The following FGF12 variants were observed in gnomAD, a reference collection of about 807,000 sequenced individuals.
FGF12 encodes the protein fibroblast growth factor 12.
FGF12 carries 14 observed loss-of-function variants against 23.6 expected under a neutral mutation model. The ratio of observed to expected loss-of-function variants is 0.59; its 90% CI spans 0.39 to 0.93. The LOEUF (loss-of-function observed/expected upper bound fraction) is 0.93. Ranked by LOEUF, FGF12 falls within the 40% of genes least tolerant of loss-of-function variation. The probability of loss-of-function intolerance (pLI) is 0.00; values close to 1 mark genes in which losing one functional copy is unlikely to be tolerated. For missense variants in FGF12, 175 were observed against 217.8 expected, an observed-to-expected ratio of 0.80 and a Z score of 1.24; for synonymous variants, 62 against 77.3, an observed-to-expected ratio of 0.80 and a Z score of 1.04.
chr3:192,418,910 G>C (rs532969561), intron 2 of FGF12, among the ~76,000 whole-genome samples: 1 of 152,290 alleles, frequency 6.6e-6, no homozygotes, highest in African/African-American at 2.4e-5. Flanking sequence ...AGCAAGGCAA[G>C]AACAGACTAA....
At chr3:192,591,789 A>T (rs2108622886) in intron 2 of FGF12, among the ~76,000 whole-genome samples, 1 of 152,086 alleles carries the variant, frequency 6.6e-6, no homozygotes, top group South Asian at 2.1e-4. Flanking sequence ...TTTTCTGCAC[A>T]AGCCCTTCAC....
intron 2 of FGF12, among the ~76,000 whole-genome samples, chr3:192,522,192 C>A (rs1408294429): frequency 8.7e-6 from 1 of 115,100 alleles, no homozygotes; most frequent in Non-Finnish European, 1.8e-5. Flanking sequence ...AGCGAGACTC[C>A]GTCTCAAAAA....
chr3:192,218,718 A>G (rs1339458076), intron 4 of FGF12, among the ~76,000 whole-genome samples: 1 of 152,242 alleles, frequency 6.6e-6, no homozygotes, highest in African/African-American at 2.4e-5. Flanking sequence ...CTAATCCAAT[A>G]TGATTCACAA....
intron 4 of FGF12, among the ~76,000 whole-genome samples, chr3:192,241,402 T>C (rs535856497): frequency 1.4e-4 from 21 of 152,098 alleles, no homozygotes; most frequent in Non-Finnish European, 2.6e-4. Flanking sequence ...TATAAATGTA[T>C]TTAATATCTC....
At chr3:192,202,971 G>T (rs1717448054) in intron 4 of FGF12, among the ~76,000 whole-genome samples, 2 of 152,160 alleles carry the variant, frequency 1.3e-5, no homozygotes, top group Admixed American at 6.5e-5. Context: ...AATACAGCCT[G>T]CTAAACAGTG....
At chr3:192,301,302 G>C (rs1051659513) in intron 4 of FGF12, among the ~76,000 whole-genome samples, 1 of 152,196 alleles carries the variant, frequency 6.6e-6, no homozygotes, top group Non-Finnish European at 1.5e-5. Context: ...TCTTTATCTT[G>C]CAAGTAGTGT....
intron 2 of FGF12, among the ~76,000 whole-genome samples, chr3:192,366,175 G>A (rs896707820): frequency 6.6e-6 from 1 of 151,986 alleles, no homozygotes; most frequent in Non-Finnish European, 1.5e-5. Flanking sequence ...GAGCAAGAAG[G>A]GAGAAGAGAG....
intron 2 of FGF12, among the ~76,000 whole-genome samples, chr3:192,411,885 G>A (rs559968918): frequency 3.3e-5 from 5 of 152,210 alleles, no homozygotes; most frequent in South Asian, 2.1e-4. Flanking sequence ...CATCTACCTC[G>A]CAGAAGTGAA....
At chr3:192,365,522 G>C (rs1280324840) in intron 2 of FGF12, among the ~76,000 whole-genome samples, 1 of 152,004 alleles carries the variant, frequency 6.6e-6, no homozygotes, top group Non-Finnish European at 1.5e-5. Context: ...ATGGGAAATT[G>C]GATATAGGGT....
intron 2 of FGF12, among the ~76,000 whole-genome samples, chr3:192,705,813 T>C (rs1250689864): frequency 6.6e-6 from 1 of 152,190 alleles, no homozygotes; most frequent in East Asian, 1.9e-4. Context: ...ACACGAGGCA[T>C]CCCTGTATAA....
rs1376817105 is a variant in FGF12, at chr3:192,345,579, C to G, written c.125-10115G>C. 4.4e-5 allele frequency among the ~76,000 whole-genome samples: 4 copies of G among 90,256 alleles called. 2 individuals carry two copies. Among genetic ancestry groups the G allele is most frequent in the African/African-American group, 1.8e-4 (2 of 11,366 alleles). The allele number at this position is 90,256 out of a possible 152,430, so 59.2% of individuals were successfully genotyped here. On this transcript the variant is annotated intron_variant, in intron 3 of 5. Transcript: ENST00000445105. ...GCGGGCGCCTGTAGTCCCAGCTACTCGGGAGGCTGAGGCAGGGGAATGGCG... is the reference window on the plus strand; with the variant it reads ...GCGGGCGCCTGTAGTCCCAGCTACTGGGGAGGCTGAGGCAGGGGAATGGCG...
rs536381696 is a variant in FGF12, at chr3:192,200,471, C to T, written c.229-29815G>A. Reference sequence around the variant, plus strand: ...TTCTCCAGTTTAAACCAGAAAAACACTAGATCCAAGAGATAACATGTAATA... The same window carrying T: ...TTCTCCAGTTTAAACCAGAAAAACATTAGATCCAAGAGATAACATGTAATA... On this transcript the variant is annotated intron_variant, in intron 4 of 5. Coordinates refer to ENST00000445105, the MANE Select transcript of FGF12 (RefSeq NM_004113.6). Among the ~76,000 whole-genome samples, 7 of 152,226 alleles carry T rather than the reference C, an allele frequency of 4.6e-5. No individual in the cohort carries two copies. In the South Asian group the frequency reaches 1.5e-3, roughly 32 times the overall value.
intron 4 of FGF12, among the ~76,000 whole-genome samples, chr3:192,278,084 C>G (rs1238994149): frequency 6.6e-6 from 1 of 152,112 alleles, no homozygotes; most frequent in Admixed American, 6.5e-5. Flanking sequence ...AAAGGTTTTA[C>G]GCTGTTACCA....
At chr3:192,630,219 G>A (rs968911977) in intron 2 of FGF12, among the ~76,000 whole-genome samples, 3 of 152,000 alleles carry the variant, frequency 2.0e-5, no homozygotes, top group Non-Finnish European at 2.9e-5. Flanking sequence ...AGTTTCCTGG[G>A]GCCTCCCCAG....
At chr3:192,670,073 T>A (rs1166214066) in intron 2 of FGF12, among the ~76,000 whole-genome samples, 1 of 152,176 alleles carries the variant, frequency 6.6e-6, no homozygotes, top group African/African-American at 2.4e-5. Context: ...ATTCCTCCAT[T>A]TTCCAACTAT....
intron 2 of FGF12, among the ~76,000 whole-genome samples, chr3:192,719,709 T>A (rs1441836072): frequency 6.7e-6 from 1 of 149,546 alleles, no homozygotes; most frequent in Admixed American, 6.7e-5. Flanking sequence ...AATGATCATA[T>A]AATAAATCTT....
rs1308751718 is a variant in FGF12 at position 192,142,075 on chromosome 3, T to C, written c.*1934A>G. On this transcript the variant is annotated 3_prime_UTR_variant, in exon 6 of 6. Transcript: ENST00000445105. ...CAAGTCCATTTTTAGAAAATTTAAA[T>C]GTCTTTATTTGTTACTTTCCAAATA... 1 of 152,520 alleles carries C rather than the reference T, an allele frequency of 6.6e-6. No homozygotes were observed. Among genetic ancestry groups the C allele is most frequent in the Non-Finnish European group, 1.5e-5 (1 of 67,934 alleles). The allele number at this position is 152,520 out of a possible 1,614,324, so 9.4% of individuals were successfully genotyped here. A position where few individuals can be genotyped will look rare whatever the true frequency, so the allele number is the denominator to read the frequency against.
chr3:192,690,994 T>G (rs1182253941), intron 2 of FGF12, among the ~76,000 whole-genome samples: 1 of 151,984 alleles, frequency 6.6e-6, no homozygotes, highest in African/African-American at 2.4e-5. Flanking sequence ...ACCACAATGA[T>G]AAATATATAG....
At chr3:192,725,145 G>A (rs1167067145) in intron 2 of FGF12, among the ~76,000 whole-genome samples, 3 of 152,128 alleles carry the variant, frequency 2.0e-5, no homozygotes, top group Admixed American at 1.3e-4. Flanking sequence ...AGCTACCATC[G>A]TTAGCTGTGC....
Sources: gnomAD v4.1 joint callset for allele counts (sites outside exome capture counted in the v4.1 genomes callset) on GRCh38, gnomAD v4.1.1 for gene constraint, MANE v1.5 for transcripts, NCBI Gene and HGNC (gene_info 2026-07-23, HGNC 2026-07-21) for gene names.